Variants in LHCGR observed in about 807,000 individuals in gnomAD.
LHCGR encodes the protein luteinizing hormone/choriogonadotropin receptor, also known as lutropin-choriogonadotropic hormone receptor.
In LHCGR, 55 loss-of-function variants were observed where a neutral mutation model predicts 60.7. The observed-to-expected ratio is 0.91, with a 90% CI of 0.73 to 1.13. The LOEUF (loss-of-function observed/expected upper bound fraction) is 1.13, where lower values mean the gene tolerates loss of function less well. Ranked by LOEUF, LHCGR falls within the 50% of genes most tolerant of loss-of-function variation. LHCGR has a pLI of 0.00. For missense variants in LHCGR, 862 were observed against 836.0 expected (o/e 1.03, Z -0.38); for synonymous variants, 337 against 316.5 (o/e 1.06, Z -0.69).
intron 9 of LHCGR, among the ~76,000 whole-genome samples, chr2:48,694,536 G>T (rs1667023754): frequency 6.6e-6 from 1 of 152,122 alleles, no homozygotes; most frequent in Admixed American, 6.5e-5. Flanking sequence ...AGCATTTTGT[G>T]TGGGCACTAG....
At chr2:48,691,568 G>A (rs910064365) in intron 10 of LHCGR, among the ~76,000 whole-genome samples, 1 of 152,108 alleles carries the variant, frequency 6.6e-6, no homozygotes, top group African/African-American at 2.4e-5. Flanking sequence ...TTTTAAGGCC[G>A]GGCGCGGTGG....
intron 1 of LHCGR, among the ~76,000 whole-genome samples, chr2:48,731,982 A>G (rs950169996): frequency 1.3e-5 from 2 of 152,204 alleles, no homozygotes; most frequent in Admixed American, 1.3e-4. Context: ...GGGAATGTCT[A>G]TGAGATCATT....
intron 1 of LHCGR, among the ~76,000 whole-genome samples, chr2:48,749,721 A>T (rs969270655): frequency 9.2e-5 from 6 of 65,234 alleles, no homozygotes; most frequent in African/African-American, 3.1e-4. Flanking sequence ...TTTTGAAATT[A>T]AAAAAAAAAA....
chr2:48,692,798 A>G (rs1312124918), intron 10 of LHCGR, among the ~76,000 whole-genome samples: 1 of 152,224 alleles, frequency 6.6e-6, no homozygotes, highest in East Asian at 1.9e-4. Context: ...AGGAATGGCT[A>G]TCTGGTGGGA....
intron 1 of LHCGR, among the ~76,000 whole-genome samples, chr2:48,750,975 T>A (rs1051950765): frequency 2.6e-5 from 4 of 152,242 alleles, no homozygotes; most frequent in Non-Finnish European, 5.9e-5. Context: ...ATTGTCAATA[T>A]TGCTAAGATT....
At chr2:48,746,190 T>TG (rs1206662231) in intron 1 of LHCGR, among the ~76,000 whole-genome samples, 2 of 152,232 alleles carry the variant, frequency 1.3e-5, no homozygotes, top group African/African-American at 2.4e-5. Flanking sequence ...ATGACATCTC[T>TG]ATTTCCTTGG....
Position 48,688,207 on chromosome 2 carries a change from G to T in LHCGR, c.1590C>A (p.Thr530=), listed in dbSNP as rs1331743516. The T allele has an allele frequency of 6.2e-6, 10 of 1,614,148 alleles. No homozygotes were observed. In the South Asian group the frequency reaches 1.1e-4, roughly 18 times the overall value. The part of the protein sequence containing the change: ...ETTLSQVYIL[T]ILILNVVAFF... ...AGGCCACCACATTGAGAATCAGGAT[G>T]GTTAATATATAGACTTGTGAGAGAG... Residue 530 remains threonine, a synonymous_variant, in exon 11 of 11, where the codon ACC becomes ACA. Transcript: ENST00000294954. The surrounding 1 kb of genome is among the most constrained non-coding windows in gnomAD (Gnocchi z 5.2).
chr2:48,713,850 T>C (rs1668111611), intron 7 of LHCGR, 136 bp downstream of exon 7: 3 of 743,950 alleles, frequency 4.0e-6, no homozygotes, highest in South Asian at 1.5e-5. Context: ...CCTAGTAACA[T>C]GCATGAAACA....
intron 1 of LHCGR, among the ~76,000 whole-genome samples, chr2:48,740,596 T>C (rs9752914): frequency 0.2 from 29,784 of 151,384 alleles, 4,926 homozygotes; most frequent in African/African-American, 0.43. Flanking sequence ...ACACCTCACA[T>C]GGCCGGGTAC....
At chr2:48,725,635 A>T (rs369742797) in intron 4 of LHCGR, 41 bp downstream of exon 4, 1 of 1,387,988 alleles carries the variant, frequency 7.2e-7, no homozygotes, top group Non-Finnish European at 1.0e-6. Flanking sequence ...TCAGATGCCC[A>T]TCTTCCCCTC....
At chr2:48,726,920 T>G (rs1347237564) in intron 3 of LHCGR, among the ~76,000 whole-genome samples, 1 of 152,218 alleles carries the variant, frequency 6.6e-6, no homozygotes, top group African/African-American at 2.4e-5. Context: ...GTAGCAGAAC[T>G]TGGATGTGAC....
In LHCGR at chr2:48,743,599, A is replaced by T. The variant is rs1312360395; in HGVS notation, c.161+11912T>A. On this transcript the variant is annotated intron_variant, in intron 1 of 10. Coordinates refer to ENST00000294954, the MANE Select transcript of LHCGR (RefSeq NM_000233.4). ...CAGAACCAAAGACAAAAACCACATG[A>T]TTATCTCAATAGATGCAGAAAAGGA... is the stretch of plus-strand genomic sequence containing the variant. Among the ~76,000 whole-genome samples, 3 of 152,222 alleles carry T rather than the reference A, an allele frequency of 2.0e-5. No homozygotes were observed. In the East Asian group the frequency reaches 5.8e-4, roughly 29 times the overall value.
chr2:48,728,838 C>T (rs771501530), intron 3 of LHCGR, among the ~76,000 whole-genome samples: 1 of 152,132 alleles, frequency 6.6e-6, no homozygotes, highest in East Asian at 1.9e-4. Context: ...TCCAAATTTT[C>T]CCACTATCCC....
At chr2:48,750,631 C>T (rs1218712223) in intron 1 of LHCGR, among the ~76,000 whole-genome samples, 1 of 152,186 alleles carries the variant, frequency 6.6e-6, no homozygotes, top group East Asian at 1.9e-4. Context: ...TGTAGACATG[C>T]TTCTTTTCTG....
At position 48,708,777 on chromosome 2, in the gene LHCGR, G is replaced by A. The variant is rs1453234200; in HGVS notation, c.680+171C>T. The A allele has an allele frequency of 4.3e-6, 3 of 698,594 alleles. No homozygotes were observed. The African/African-American group carries it at 5.3e-5, about 12-fold the overall frequency. The allele number at this position is 698,594 out of a possible 1,614,324, so 43.3% of individuals were successfully genotyped here. ...TTCTGTTGTCTAAGCCTCTCGGTTT[G>A]GGGTACTTTATTATGGCAGCTGTGA... is the stretch of plus-strand genomic sequence containing the variant. On this transcript the variant is annotated intron_variant, in intron 8 of 10. Coordinates refer to ENST00000294954, the MANE Select transcript of LHCGR (RefSeq NM_000233.4).
chr2:48,709,854 C>A (rs930927565), intron 7 of LHCGR, among the ~76,000 whole-genome samples: 21 of 152,232 alleles, frequency 1.4e-4, no homozygotes, highest in African/African-American at 5.1e-4. Context: ...TTTGAGTAGT[C>A]GAGGGAGCTA....
chr2:48,729,356 T>C lies in LHCGR; in HGVS notation c.234-129A>G, dbSNP rs556058779. On this transcript the variant is annotated intron_variant, in intron 2 of 10. Coordinates refer to ENST00000294954, the MANE Select transcript of LHCGR (RefSeq NM_000233.4). ...TGTGTCCCCCTGAAAAGAACAAAGA[T>C]GTGCAAGTTGTCCCCAAATCATACA... 302 of 752,256 alleles carry C rather than the reference T, an allele frequency of 4.0e-4. 4 individuals carry two copies. In the South Asian group the frequency reaches 4.2e-3, roughly 11 times the overall value. The allele number at this position is 752,256 out of a possible 1,614,324, so 46.6% of individuals were successfully genotyped here.
chr2:48,731,542 C>A (rs1394122338), intron 1 of LHCGR, among the ~76,000 whole-genome samples: 1 of 152,126 alleles, frequency 6.6e-6, no homozygotes, highest in African/African-American at 2.4e-5. Context: ...TTAGGCATAC[C>A]TGGACGCAAA....
At chr2:48,712,167 C>T (rs186547780) in intron 7 of LHCGR, among the ~76,000 whole-genome samples, 1 of 151,918 alleles carries the variant, frequency 6.6e-6, no homozygotes, top group Non-Finnish European at 1.5e-5. Flanking sequence ...TTTCCTGCTG[C>T]CTTTGAAATC....
Sources: gnomAD v4.1 joint callset for allele counts (sites outside exome capture counted in the v4.1 genomes callset) on GRCh38, gnomAD v4.1.1 for gene constraint, Gnocchi (gnomAD v3.1) non-coding constraint, MANE v1.5 for transcripts, NCBI Gene and HGNC (gene_info 2026-07-23, HGNC 2026-07-21) for gene names.